The following ARL15 variants were observed in gnomAD, a reference collection of about 807,000 sequenced individuals.
The protein encoded by ARL15 is ARF like GTPase 15, also known as ADP-ribosylation factor-like protein 15.
In ARL15, 19 loss-of-function variants were observed where a neutral mutation model predicts 25.2. That is an observed-to-expected ratio of 0.75 (90% CI 0.53 to 1.10). ARL15 has a LOEUF of 1.10. ARL15 is among the 50% of genes least tolerant of loss of function. ARL15 has a pLI of 0.00. For missense variants in ARL15, 220 were observed against 246.0 expected (o/e 0.89, Z 0.71); for synonymous variants, 94 against 86.8 (o/e 1.08, Z -0.46).
intron 4 of ARL15, among the ~76,000 whole-genome samples, chr5:53,931,649 T>C (rs1746198162): frequency 6.6e-6 from 1 of 152,190 alleles, no homozygotes; most frequent in Admixed American, 6.5e-5. Flanking sequence ...CTATTTACCA[T>C]AGGAATAATA....
At chr5:53,931,036 T>C (rs1316160686) in intron 4 of ARL15, among the ~76,000 whole-genome samples, 2 of 152,182 alleles carry the variant, frequency 1.3e-5, no homozygotes, top group Admixed American at 1.3e-4. Flanking sequence ...CAATCATAAA[T>C]GGTGATTATA....
intron 3 of ARL15, among the ~76,000 whole-genome samples, chr5:54,144,897 C>T (rs1753863374): frequency 2.0e-5 from 3 of 152,194 alleles, no homozygotes; most frequent in East Asian, 1.9e-4. Context: ...AATAAAGGCA[C>T]AGCTCCAAAT....
intron 1 of ARL15, among the ~76,000 whole-genome samples, chr5:54,186,538 A>T (rs1447311446): frequency 6.6e-6 from 1 of 152,250 alleles, no homozygotes; most frequent in African/African-American, 2.4e-5. Context: ...ATAAAGGCAG[A>T]TCTATGTGGG....
intron 1 of ARL15, among the ~76,000 whole-genome samples, chr5:54,211,718 C>A (rs913807941): frequency 6.6e-6 from 1 of 151,946 alleles, no homozygotes; most frequent in Non-Finnish European, 1.5e-5. Context: ...GTGATCCGAC[C>A]GCCTCAGTCT....
At chr5:54,069,092 ATAT>A (rs1319068330) in intron 4 of ARL15, among the ~76,000 whole-genome samples, 3 of 152,228 alleles carry the variant, frequency 2.0e-5, no homozygotes, top group African/African-American at 7.2e-5. Context: ...AAGTGAAAAT[ATAT>A]TTTTTTAAAT....
rs1303556642 is a variant in ARL15 at position 54,171,886 on chromosome 5, G to A, written c.91C>T (p.Pro31Ser). 6.2e-7 allele frequency: 1 copy of A among 1,613,552 alleles called. No individual in the cohort carries two copies. The highest frequency in any genetic ancestry group is 8.5e-7 in the Non-Finnish European group (1 of 1,179,614). The change falls in exon 2 of 5, where the codon CCA becomes TCA. Residue 31 changes from proline to serine, a missense_variant. Pro to Ser is a moderately conservative substitution (Grantham distance 74). Coordinates refer to ENST00000504924, the MANE Select transcript of ARL15 (RefSeq NM_019087.3). ...LCCKGPPPAR[P>S]EYDLVCIGLT... ...CCTATGCAAACCAGGTCATATTCTG[G>A]TCGTGCAGGTGGTGGTCCCTTGCAG... is the stretch of plus-strand genomic sequence containing the variant.
chr5:53,993,605 T>C (rs1580150473), intron 4 of ARL15, among the ~76,000 whole-genome samples: 2 of 152,324 alleles, frequency 1.3e-5, no homozygotes, highest in Middle Eastern at 6.8e-3. Flanking sequence ...CATGTTTACC[T>C]CATATTGCTT....
chr5:53,976,794 C>T (rs1036461511), intron 4 of ARL15, among the ~76,000 whole-genome samples: 4 of 152,052 alleles, frequency 2.6e-5, no homozygotes, highest in Non-Finnish European at 5.9e-5. Flanking sequence ...GTGTAGGGAG[C>T]TGGCAGTATG....
chr5:54,120,043 A>G (rs1191755572), intron 3 of ARL15, among the ~76,000 whole-genome samples: 1 of 152,206 alleles, frequency 6.6e-6, no homozygotes, highest in African/African-American at 2.4e-5. Context: ...ATTCATCACC[A>G]TACTCTGACC....
chr5:54,149,805 A>G (rs540100367), intron 3 of ARL15, among the ~76,000 whole-genome samples: 23 of 152,330 alleles, frequency 1.5e-4, no homozygotes, highest in Non-Finnish European at 2.6e-4. Flanking sequence ...AAAATAAAAT[A>G]ATCTAGAGCA....
At chr5:54,003,600 T>C (rs1333194522) in intron 4 of ARL15, among the ~76,000 whole-genome samples, 1 of 152,220 alleles carries the variant, frequency 6.6e-6, no homozygotes, top group Non-Finnish European at 1.5e-5. Context: ...TGTGATTGTT[T>C]GTAGTCTAAC....
chr5:54,267,381 G>A lies in ARL15; in HGVS notation c.48+43051C>T, dbSNP rs918466084. Among the ~76,000 whole-genome samples the A allele has an allele frequency of 6.6e-5, 10 of 152,256 alleles. No individual in the cohort carries two copies. In the East Asian group the frequency reaches 1.4e-3, roughly 21 times the overall value. On this transcript the variant is annotated intron_variant, in intron 1 of 4. Coordinates refer to ENST00000504924, the MANE Select transcript of ARL15 (RefSeq NM_019087.3). ...GCTGGGATTACAGGCATGAGCCACC[G>A]CGCCTGGCCAGAGCTCTGTTTTAAA...
intron 4 of ARL15, among the ~76,000 whole-genome samples, chr5:53,923,858 C>T (rs1387413649): frequency 6.6e-6 from 1 of 151,038 alleles, no homozygotes; most frequent in Non-Finnish European, 1.5e-5. Context: ...GAGCAAGACT[C>T]CGTCTCAAAA....
intron 4 of ARL15, among the ~76,000 whole-genome samples, chr5:54,098,427 A>G (rs1752349092): frequency 6.6e-6 from 1 of 152,104 alleles, no homozygotes; most frequent in African/African-American, 2.4e-5. Context: ...TCCTCCGTCA[A>G]AGCACACAAA....
rs139946055 is a variant in ARL15, at chr5:54,132,486, C to T, written c.254-19076G>A. On this transcript the variant is annotated intron_variant, in intron 3 of 4. Coordinates refer to ENST00000504924, the MANE Select transcript of ARL15 (RefSeq NM_019087.3). ...GTCATATTTTTAAGAGCAAAATAATCAATAGACACAAATTACAAAGGAGAT... is the reference window on the plus strand; with the variant it reads ...GTCATATTTTTAAGAGCAAAATAATTAATAGACACAAATTACAAAGGAGAT... 1.2e-3 allele frequency among the ~76,000 whole-genome samples: 189 copies of T among 151,760 alleles called. 1 individual carries two copies. The highest frequency in any genetic ancestry group is 4.3e-4 in the Non-Finnish European group (29 of 67,956).
At chr5:54,165,743 T>C (rs1754545331) in intron 2 of ARL15, among the ~76,000 whole-genome samples, 1 of 150,700 alleles carries the variant, frequency 6.6e-6, no homozygotes, top group Non-Finnish European at 1.5e-5. Flanking sequence ...TTTGTTTATA[T>C]ATATATATAT....
intron 1 of ARL15, among the ~76,000 whole-genome samples, chr5:54,292,727 C>T (rs1429110081): frequency 6.6e-6 from 1 of 152,162 alleles, no homozygotes; most frequent in East Asian, 1.9e-4. Flanking sequence ...TAAGGTTCTA[C>T]TATGCGCTAG....
intron 4 of ARL15, among the ~76,000 whole-genome samples, chr5:53,905,410 TATA>T (rs762277886): frequency 2.0e-5 from 3 of 152,216 alleles, no homozygotes; most frequent in South Asian, 2.1e-4. Context: ...TGTTATTAAA[TATA>T]ATATTAGTTA....
At chr5:54,298,743 TGATCTCTGGTCAACATTTAACAAAATTG>T (rs1452628838) in intron 1 of ARL15, among the ~76,000 whole-genome samples, 8 of 152,194 alleles carry the variant, frequency 5.3e-5, no homozygotes, top group Admixed American at 1.3e-4. Flanking sequence ...TTATCTTCCA[TGATCTCTGGTCAACATTTAACAAAATTG>T]GCCACTTTTT....
Sources: gnomAD v4.1 joint callset for allele counts (sites outside exome capture counted in the v4.1 genomes callset) on GRCh38, gnomAD v4.1.1 for gene constraint, MANE v1.5 for transcripts, NCBI Gene and HGNC (gene_info 2026-07-23, HGNC 2026-07-21) for gene names.